Variants in CLDN11 observed in about 807,000 individuals in gnomAD.
CLDN11 encodes the protein claudin 11, also known as claudin-11.
CLDN11 carries 1 observed loss-of-function variant against 18.0 expected under a neutral mutation model. That is an observed-to-expected ratio of 0.06 (90% CI 0.02 to 0.26). CLDN11 has a LOEUF of 0.26. Among genes scored for constraint, CLDN11 ranks in the 10% least tolerant of loss-of-function variants. The pLI, the probability that CLDN11 is intolerant of heterozygous loss-of-function variation, is 1.00. For missense variants in CLDN11, 172 were observed against 276.6 expected (o/e 0.62, Z 2.68); for synonymous variants, 116 against 121.5 (o/e 0.96, Z 0.30).
chr3:170,431,247 A>T (rs915483335), intron 2 of CLDN11, among the ~76,000 whole-genome samples: 9 of 152,204 alleles, frequency 5.9e-5, no homozygotes, highest in Non-Finnish European at 1.2e-4. Context: ...TAGAAATCAG[A>T]AAAAAGCTTG....
At position 170,432,574 on chromosome 3, in the gene CLDN11, G is replaced by A; in HGVS notation, c.442G>A (p.Glu148Lys). Residue 148 changes from glutamate to lysine, a missense_variant, in exon 3 of 3, where the codon GAG (glutamate) becomes AAG (lysine). Physicochemically the swap from Glu to Lys is moderately conservative, Grantham distance 56. Transcript: ENST00000064724. ...CTGGTTCCCTGTGTGCGCCCACCGT[G>A]AGACCACCATCGTGAGCTTTGGCTA... ...TIWFPVCAHR[E>K]TTIVSFGYSL... 6.2e-7 allele frequency: 1 copy of A among 1,614,100 alleles called. No individual in the cohort carries two copies.
At chr3:170,423,020 C>A in intron 1 of CLDN11, 143 bp from the exon 2 acceptor site, 2 of 841,368 alleles carry the variant, frequency 2.4e-6, no homozygotes, top group Non-Finnish European at 3.8e-6. Context: ...TGCTTAGTGA[C>A]CTTGGACAAC....
intron 2 of CLDN11, among the ~76,000 whole-genome samples, chr3:170,425,974 G>A (rs1009262234): frequency 6.6e-6 from 1 of 152,216 alleles, no homozygotes; most frequent in African/African-American, 2.4e-5. Flanking sequence ...GGTGGGAGGA[G>A]CATGGGGACT....
At chr3:170,427,879 C>T (rs115066081) in intron 2 of CLDN11, among the ~76,000 whole-genome samples, 2,287 of 151,304 alleles carry the variant, frequency 0.015, 68 homozygotes, top group African/African-American at 0.05. Context: ...TCACTGGGGC[C>T]AGGCATGGTG....
At chr3:170,430,509 A>G (rs560804480) in intron 2 of CLDN11, among the ~76,000 whole-genome samples, 3 of 151,496 alleles carry the variant, frequency 2.0e-5, no homozygotes, top group South Asian at 4.2e-4. Context: ...AGGAAGCATT[A>G]GCATATGGAT....
intron 2 of CLDN11, among the ~76,000 whole-genome samples, chr3:170,428,210 T>C (rs1001934614): frequency 6.6e-6 from 1 of 152,126 alleles, no homozygotes; most frequent in Non-Finnish European, 1.5e-5. Context: ...TGTCTTTCTC[T>C]GCCTCTTTGT....
chr3:170,427,142 A>G (rs1345457873), intron 2 of CLDN11, among the ~76,000 whole-genome samples: 3 of 152,082 alleles, frequency 2.0e-5, no homozygotes, highest in Non-Finnish European at 4.4e-5. Flanking sequence ...ACAGTGATCA[A>G]CTCATGGCTG....
chr3:170,432,674 A>G lies in CLDN11; in HGVS notation c.542A>G (p.Asp181Gly). 6.2e-7 allele frequency: 1 copy of G among 1,613,964 alleles called. No individual in the cohort carries two copies. The highest frequency in any genetic ancestry group is 1.1e-5 in the South Asian group (1 of 91,084). Reference sequence around the variant, plus strand: ...TGTGTCATCCTCTGCTGCGCTGGAGATGCCCAGGCCTTTGGTGAAAACCGT... The same window carrying G: ...TGTGTCATCCTCTGCTGCGCTGGAGGTGCCCAGGCCTTTGGTGAAAACCGT... The part of the protein sequence containing the change: ...GGCVILCCAG[D>G]AQAFGENRFY... The change falls in exon 3 of 3, where the codon GAT becomes GGT. Residue 181 changes from aspartate (D) to glycine (G), a missense_variant. Physicochemically the swap from Asp to Gly is moderately conservative, Grantham distance 94. Transcript: ENST00000064724.
intron 2 of CLDN11, among the ~76,000 whole-genome samples, chr3:170,424,516 T>C (rs991818721): frequency 6.6e-6 from 1 of 152,232 alleles, no homozygotes; most frequent in Non-Finnish European, 1.5e-5. Context: ...AGCTCTCTTC[T>C]CGTCAGTGAT....
chr3:170,423,159 C>A lies in CLDN11; in HGVS notation c.227-4C>A. On this transcript the variant is annotated splice_region_variant and splice_polypyrimidine_tract_variant and intron_variant, in intron 1 of 2. Coordinates refer to ENST00000064724, the MANE Select transcript of CLDN11 (RefSeq NM_005602.6). ...ACCTTTCCCATCTGCTCTCTTGTTC[C>A]CAGGCTACGTGCAGGCCTGCCGCGC... 1.9e-6 allele frequency: 3 copies of A among 1,614,204 alleles called. No homozygotes were observed. Among genetic ancestry groups the A allele is most frequent in the Non-Finnish European group, 2.5e-6 (3 of 1,180,030 alleles).
chr3:170,427,132 A>G lies in CLDN11; in HGVS notation c.391+3805A>G, dbSNP rs1386498311. 2.0e-5 allele frequency among the ~76,000 whole-genome samples: 3 copies of G among 152,172 alleles called. No individual in the cohort carries two copies. The East Asian group carries it at 5.8e-4, about 29-fold the overall frequency. Reference sequence around the variant, plus strand: ...AACCCCTGTGAACCCAACCTCCTCAACAGTGATCAACTCATGGCTGTAATA... The same window carrying G: ...AACCCCTGTGAACCCAACCTCCTCAGCAGTGATCAACTCATGGCTGTAATA... On this transcript the variant is annotated intron_variant, in intron 2 of 2. Transcript: ENST00000064724.
chr3:170,429,855 G>A (rs769452008), intron 2 of CLDN11, among the ~76,000 whole-genome samples: 4 of 152,236 alleles, frequency 2.6e-5, no homozygotes, highest in Non-Finnish European at 5.9e-5. Context: ...GTGCACATGT[G>A]CTGTATGTGT....
intron 1 of CLDN11, among the ~76,000 whole-genome samples, chr3:170,420,436 A>G (rs1185481687): frequency 1.3e-5 from 2 of 151,990 alleles, no homozygotes; most frequent in East Asian, 3.9e-4. Flanking sequence ...AGCCTCCTCC[A>G]AGCACGCCCT....
Position 170,423,166 on chromosome 3 carries a change from A to G in CLDN11, c.230A>G (p.Tyr77Cys). 1 of 1,614,158 alleles carries G rather than the reference A, an allele frequency of 6.2e-7. No homozygotes were observed. Among genetic ancestry groups the G allele is most frequent in the Non-Finnish European group, 8.5e-7 (1 of 1,180,006 alleles). ...CCATCTGCTCTCTTGTTCCCAGGCTACGTGCAGGCCTGCCGCGCCCTGATG... is the reference window on the plus strand; with the variant it reads ...CCATCTGCTCTCTTGTTCCCAGGCTGCGTGCAGGCCTGCCGCGCCCTGATG... ...PLVDILILPG[Y>C]VQACRALMIA... The change falls in exon 2 of 3, where the codon TAC (tyrosine) becomes TGC (cysteine). Residue 77 changes from tyrosine (Y) to cysteine (C), a missense_variant. By Grantham distance (194) the Tyr-to-Cys change is radical (BLOSUM62 -2). Transcript: ENST00000064724.
chr3:170,427,717 G>A (rs928846259), intron 2 of CLDN11, among the ~76,000 whole-genome samples: 2 of 151,698 alleles, frequency 1.3e-5, no homozygotes, highest in Non-Finnish European at 2.9e-5. Context: ...GCTGAGGCAC[G>A]AGGATTGCTT....
In CLDN11 at chr3:170,432,830, G is replaced by A; in HGVS notation, c.*74G>A. On this transcript the variant is annotated 3_prime_UTR_variant, in exon 3 of 3. Transcript: ENST00000064724. ...GCCCTAGGTTTGCTCGTCACAGTGT[G>A]GGGAAGCCCATTCCTCTGCCAGGCT... The A allele has an allele frequency of 2.8e-6, 4 of 1,423,386 alleles. No individual in the cohort carries two copies. Among genetic ancestry groups the A allele is most frequent in the Admixed American group, 1.7e-5 (1 of 57,944 alleles). The allele number at this position is 1,423,386 out of a possible 1,614,324, so 88.2% of individuals were successfully genotyped here.
Position 170,433,010 on chromosome 3 carries a change from T to C in CLDN11, c.*254T>C, listed in dbSNP as rs1560236628. ...TTGGTGTTGCCCCTATTAGCTCTTT[T>C]CTTGGGCATTCTTTTGCTGTTTATT... is the stretch of plus-strand genomic sequence containing the variant. On this transcript the variant is annotated 3_prime_UTR_variant, in exon 3 of 3. Transcript: ENST00000064724. The C allele has an allele frequency of 2.6e-6, 1 of 387,412 alleles. No individual in the cohort carries two copies. Among genetic ancestry groups the C allele is most frequent in the Non-Finnish European group, 4.7e-6 (1 of 213,440 alleles). The allele number at this position is 387,412 out of a possible 1,614,324, so 24.0% of individuals were successfully genotyped here. A position where few individuals can be genotyped will look rare whatever the true frequency, so the allele number is the denominator to read the frequency against.
Position 170,434,034 on chromosome 3 carries a change from A to G in CLDN11, c.*1278A>G, listed in dbSNP as rs1739075481. On this transcript the variant is annotated 3_prime_UTR_variant, in exon 3 of 3. Coordinates refer to ENST00000064724, the MANE Select transcript of CLDN11 (RefSeq NM_005602.6). ...GTATCTGAGACCCCAAACTCTCCAAATACTGATGGTGCATTTTATTCTTGA... is the reference window on the plus strand; with the variant it reads ...GTATCTGAGACCCCAAACTCTCCAAGTACTGATGGTGCATTTTATTCTTGA... The G allele has an allele frequency of 6.6e-6, 1 of 152,634 alleles. No individual in the cohort carries two copies. The highest frequency in any genetic ancestry group is 6.5e-5 in the Admixed American group (1 of 15,272). The allele number at this position is 152,634 out of a possible 1,614,324, so 9.5% of individuals were successfully genotyped here.
At chr3:170,430,514 A>G (rs1193779839) in intron 2 of CLDN11, among the ~76,000 whole-genome samples, 1 of 150,460 alleles carries the variant, frequency 6.6e-6, no homozygotes. Flanking sequence ...GCATTAGCAT[A>G]TGGATAGATT....
Sources: gnomAD v4.1 joint callset for allele counts (sites outside exome capture counted in the v4.1 genomes callset) on GRCh38, gnomAD v4.1.1 for gene constraint, MANE v1.5 for transcripts, NCBI Gene and HGNC (gene_info 2026-07-23, HGNC 2026-07-21) for gene names.